Variants in TMEM132C observed in about 807,000 individuals in gnomAD.
TMEM132C encodes the protein transmembrane protein 132C.
In TMEM132C, 29 loss-of-function variants were observed where a neutral mutation model predicts 61.4. The ratio of observed to expected loss-of-function variants is 0.47; its 90% confidence interval spans 0.35 to 0.64. The LOEUF (loss-of-function observed/expected upper bound fraction) is 0.64, where lower values mean the gene tolerates loss of function less well. Ranked by LOEUF, TMEM132C falls within the 30% of genes least tolerant of loss-of-function variation. The probability of loss-of-function intolerance (pLI) is 0.00; values close to 1 mark genes in which losing one functional copy is unlikely to be tolerated. For synonymous variants in TMEM132C, 656 were observed against 633.1 expected (o/e 1.04, Z -0.54); for missense variants, 1,408 against 1,476.9 (o/e 0.95, Z 0.76).
At chr12:128,596,834 CTGTT>C (rs1478456592) in intron 3 of TMEM132C, among the ~76,000 whole-genome samples, 4 of 152,244 alleles carry the variant, frequency 2.6e-5, no homozygotes, top group African/African-American at 9.6e-5. Context: ...CCACTGAAGA[CTGTT>C]TGTTAATATT....
Position 128,413,157 on chromosome 12 carries a change from G to C in TMEM132C, c.86-1575G>C, listed in dbSNP as rs144946267. 4.6e-3 allele frequency among the ~76,000 whole-genome samples: 700 copies of C among 152,130 alleles called. 8 individuals carry two copies. Among genetic ancestry groups the C allele is most frequent in the African/African-American group, 0.016 (664 of 41,502 alleles). On this transcript the variant is annotated intron_variant, in intron 1 of 8. Coordinates refer to ENST00000435159, the MANE Select transcript of TMEM132C (RefSeq NM_001136103.3). ...ACTAAAAATACAAAAAAATTAGCCA[G>C]GCATGGTGGTGGGCACCTGTAGTCC...
intron 1 of TMEM132C, among the ~76,000 whole-genome samples, chr12:128,371,119 T>C (rs1395969502): frequency 1.3e-5 from 2 of 151,982 alleles, no homozygotes; most frequent in Non-Finnish European, 2.9e-5. Context: ...CCTAACATAG[T>C]AGGATGGGAT....
intron 4 of TMEM132C, among the ~76,000 whole-genome samples, chr12:128,648,236 G>C (rs1954230491): frequency 6.6e-6 from 1 of 151,784 alleles, no homozygotes; most frequent in Non-Finnish European, 1.5e-5. Context: ...GATCCCATCA[G>C]TGTTGGATGT....
At chr12:128,602,437 C>T (rs1459198816) in intron 3 of TMEM132C, among the ~76,000 whole-genome samples, 2 of 152,224 alleles carry the variant, frequency 1.3e-5, no homozygotes, top group Admixed American at 1.3e-4. Flanking sequence ...ACCTCTCGAG[C>T]TCTGCCTGAT....
intron 2 of TMEM132C, among the ~76,000 whole-genome samples, chr12:128,469,747 T>A (rs1870879659): frequency 6.6e-6 from 1 of 151,888 alleles, no homozygotes; most frequent in Non-Finnish European, 1.5e-5. Flanking sequence ...TTTATGTGTG[T>A]GTATATATAT....
chr12:128,377,428 T>C (rs975763674), intron 1 of TMEM132C, among the ~76,000 whole-genome samples: 25 of 152,158 alleles, frequency 1.6e-4, no homozygotes, highest in African/African-American at 6.0e-4. Flanking sequence ...GCCTACCACG[T>C]AGGTTGGGAT....
chr12:128,660,707 C>T (rs368008158), intron 4 of TMEM132C, among the ~76,000 whole-genome samples: 21 of 152,326 alleles, frequency 1.4e-4, no homozygotes, highest in South Asian at 1.0e-3. Flanking sequence ...ACCTTGGCAT[C>T]GTGGACTGGC....
intron 5 of TMEM132C, among the ~76,000 whole-genome samples, chr12:128,673,832 A>G (rs971746029): frequency 1.3e-5 from 2 of 152,248 alleles, no homozygotes; most frequent in Non-Finnish European, 2.9e-5. Flanking sequence ...AATCAGTTTT[A>G]TAAATGCAAC....
intron 1 of TMEM132C, among the ~76,000 whole-genome samples, chr12:128,297,311 C>T (rs562493801): frequency 5.9e-5 from 9 of 152,222 alleles, no homozygotes; most frequent in Admixed American, 2.6e-4. Flanking sequence ...GGCCTCCTGC[C>T]GATAGGAGGC....
chr12:128,362,800 A>C (rs1873747646), intron 1 of TMEM132C, among the ~76,000 whole-genome samples: 1 of 152,244 alleles, frequency 6.6e-6, no homozygotes, highest in South Asian at 2.1e-4. Context: ...GCAGTGTTTT[A>C]TGAAGTGAGT....
chr12:128,407,142 T>C (rs1213742771), intron 1 of TMEM132C, among the ~76,000 whole-genome samples: 1 of 152,196 alleles, frequency 6.6e-6, no homozygotes, highest in East Asian at 1.9e-4. Context: ...TGGGAGGTAA[T>C]TGAATCATCA....
chr12:128,668,051 T>C (rs2135629334), intron 4 of TMEM132C, among the ~76,000 whole-genome samples: 1 of 152,306 alleles, frequency 6.6e-6, no homozygotes, highest in Non-Finnish European at 1.5e-5. Flanking sequence ...GGCAGGAGGA[T>C]CGCTTCAAGC....
rs1870787663 is a variant in TMEM132C at position 128,278,919 on chromosome 12, T to A, written c.85+11432T>A. On this transcript the variant is annotated intron_variant, in intron 1 of 8. Transcript: ENST00000435159. This position sits in a 1 kb window ranked among gnomAD's most constrained non-coding sequence, Gnocchi z 4.2. ...CCACCCCTAGAAGACAAGAAGGAAT[T>A]CTGCCAGTCGACAGCATTTGGACGT... Among the ~76,000 whole-genome samples, 1 of 152,122 alleles carries A rather than the reference T, an allele frequency of 6.6e-6. No individual in the cohort carries two copies. The highest frequency in any genetic ancestry group is 6.5e-5 in the Admixed American group (1 of 15,276).
rs181615164 is a variant in TMEM132C at position 128,350,707 on chromosome 12, C to T, written c.86-64025C>T. Among the ~76,000 whole-genome samples, 10 of 152,214 alleles carry T rather than the reference C, an allele frequency of 6.6e-5. No individual in the cohort carries two copies. In the East Asian group the frequency reaches 9.7e-4, roughly 15 times the overall value. On this transcript the variant is annotated intron_variant, in intron 1 of 8. Coordinates refer to ENST00000435159, the MANE Select transcript of TMEM132C (RefSeq NM_001136103.3). Reference sequence around the variant, plus strand: ...ATTGGAGCTGTTCCCAGTATCCACTCTCCCTTTACTTCTTGAGGAACAGAA... The same window carrying T: ...ATTGGAGCTGTTCCCAGTATCCACTTTCCCTTTACTTCTTGAGGAACAGAA...
chr12:128,307,426 G>GA lies in TMEM132C; in HGVS notation c.85+39952dup, dbSNP rs71069555. Among the ~76,000 whole-genome samples the GA allele has an allele frequency of 4.9e-3, 708 of 143,440 alleles. 6 individuals carry two copies. The highest frequency in any genetic ancestry group is 0.016 in the African/African-American group (618 of 38,778). 94.1% of individuals were successfully genotyped at this position (143,440 alleles called of 152,430 possible). A position where few individuals can be genotyped will look rare whatever the true frequency, so the allele number is the denominator to read the frequency against. On this transcript the variant is annotated intron_variant, in intron 1 of 8. Transcript: ENST00000435159. ...CTGTAAGCTCCAGCTCTCCAGATTTGAAAAAAAAAAAAATAGGAAAAAACA... is the reference window on the plus strand; with the variant it reads ...CTGTAAGCTCCAGCTCTCCAGATTTGAAAAAAAAAAAAAATAGGAAAAAACA...
chr12:128,704,952 A>T (rs1954825776), intron 8 of TMEM132C, 138 bp from the exon 9 acceptor site: 2 of 930,894 alleles, frequency 2.1e-6, no homozygotes, highest in Non-Finnish European at 3.1e-6. Flanking sequence ...AACCTGTATG[A>T]TTTCTCCCCA....
intron 3 of TMEM132C, among the ~76,000 whole-genome samples, chr12:128,559,580 C>T (rs967645281): frequency 6.6e-6 from 1 of 152,202 alleles, no homozygotes; most frequent in African/African-American, 2.4e-5. Context: ...TTTACCCACA[C>T]GTTCCTCATA....
At chr12:128,491,677 G>C (rs904244503) in intron 2 of TMEM132C, among the ~76,000 whole-genome samples, 2 of 152,090 alleles carry the variant, frequency 1.3e-5, no homozygotes, top group Non-Finnish European at 2.9e-5. Flanking sequence ...TTGCGGACCT[G>C]GTGCTGACCC....
intron 2 of TMEM132C, among the ~76,000 whole-genome samples, chr12:128,433,204 A>T (rs1193485840): frequency 1.3e-5 from 2 of 152,116 alleles, no homozygotes; most frequent in African/African-American, 2.4e-5. Context: ...CAAAAAAAAA[A>T]TGTTTGACTC....
Sources: gnomAD v4.1 joint callset for allele counts (sites outside exome capture counted in the v4.1 genomes callset) on GRCh38, gnomAD v4.1.1 for gene constraint, Gnocchi (gnomAD v3.1) non-coding constraint, MANE v1.5 for transcripts, NCBI Gene and HGNC (gene_info 2026-07-23, HGNC 2026-07-21) for gene names.